Variants in FGD4 observed in about 807,000 individuals in gnomAD.
The protein encoded by FGD4 is FYVE, RhoGEF and PH domain-containing protein 4.
Under a neutral mutation model 102.0 loss-of-function variants are expected in FGD4, and 42 were observed. That is an observed-to-expected ratio of 0.41 (90% CI 0.32 to 0.53). The LOEUF (loss-of-function observed/expected upper bound fraction) is 0.53, where lower values mean the gene tolerates loss of function less well. Among genes scored for constraint, FGD4 ranks in the 20% least tolerant of loss-of-function variants. The probability of loss-of-function intolerance (pLI) is 0.21; values close to 1 mark genes in which losing one functional copy is unlikely to be tolerated. For synonymous variants in FGD4, 380 were observed against 375.7 expected, an observed-to-expected ratio of 1.01 and a Z score of -0.13; for missense variants, 902 against 1,078.2, an observed-to-expected ratio of 0.84 and a Z score of 2.29.
intron 3 of FGD4, among the ~76,000 whole-genome samples, chr12:32,576,830 G>A (rs1041080964): frequency 3.3e-5 from 5 of 151,950 alleles, no homozygotes; most frequent in African/African-American, 9.7e-5. Context: ...CTGTCTCTTC[G>A]TTTCTCACTT....
intron 1 of FGD4, among the ~76,000 whole-genome samples, chr12:32,552,466 G>T: frequency 8.1e-6 from 1 of 124,122 alleles, no homozygotes; most frequent in Non-Finnish European, 1.7e-5. Context: ...TTTTGTAGTA[G>T]AGACAATGTT....
chr12:32,415,068 C>T (rs1200684645), intron 1 of FGD4, among the ~76,000 whole-genome samples: 3 of 152,144 alleles, frequency 2.0e-5, no homozygotes, highest in Middle Eastern at 3.2e-3. Context: ...TATTATTTAA[C>T]TTCCATGCGT....
chr12:32,552,405 G>A (rs989401575), intron 1 of FGD4, among the ~76,000 whole-genome samples: 3 of 147,532 alleles, frequency 2.0e-5, no homozygotes, highest in South Asian at 4.4e-4. Flanking sequence ...GATTACAGGC[G>A]CCCGCCGCCA....
rs551664451 is a variant in FGD4, at chr12:32,619,678, T to A, written c.1750-20T>A. The A allele has an allele frequency of 1.2e-6, 2 of 1,613,764 alleles. No homozygotes were observed. The highest frequency in any genetic ancestry group is 2.2e-5 in the South Asian group (2 of 91,080). ...CCCCTATTTCTTTTCTTTACTGATATATGTTCTCGTTCCTTGCAGTTCAAC... is the reference window on the plus strand; with the variant it reads ...CCCCTATTTCTTTTCTTTACTGATAAATGTTCTCGTTCCTTGCAGTTCAAC... On this transcript the variant is annotated intron_variant, in intron 10 of 16. Coordinates refer to ENST00000534526, the MANE Select transcript of FGD4 (RefSeq NM_001370298.3).
At chr12:32,550,468 G>A (rs1307214404) in intron 1 of FGD4, among the ~76,000 whole-genome samples, 2 of 151,930 alleles carry the variant, frequency 1.3e-5, no homozygotes, top group African/African-American at 4.8e-5. Context: ...CCAAGAGTTC[G>A]AGACCAGCCT....
chr12:32,564,062 G>A, intron 1 of FGD4, 75 bp from the exon 2 acceptor site: 1 of 1,394,090 alleles, frequency 7.2e-7, no homozygotes, highest in Non-Finnish European at 9.5e-7. Flanking sequence ...AGTGGGAGAG[G>A]GGAAATTTAA....
intron 1 of FGD4, among the ~76,000 whole-genome samples, chr12:32,460,392 G>C (rs895002269): frequency 2.0e-4 from 30 of 151,886 alleles, no homozygotes; most frequent in African/African-American, 6.0e-4. Flanking sequence ...GTGCGTGCCC[G>C]TAGCACCAGC....
intron 1 of FGD4, among the ~76,000 whole-genome samples, chr12:32,488,209 G>GT (rs1943973039): frequency 6.7e-6 from 1 of 149,896 alleles, no homozygotes; most frequent in African/African-American, 2.4e-5. Flanking sequence ...AAAGCTTTTT[G>GT]TTTTTTAACA....
At chr12:32,615,700 C>T (rs112310789) in intron 10 of FGD4, among the ~76,000 whole-genome samples, 1,522 of 151,854 alleles carry the variant, frequency 0.01, 24 homozygotes, top group East Asian at 0.035. Flanking sequence ...GAAGCACCAG[C>T]GTCAGGAGGC....
chr12:32,400,170 G>A (rs1434989607), intron 1 of FGD4, among the ~76,000 whole-genome samples: 1 of 152,248 alleles, frequency 6.6e-6, no homozygotes, highest in Non-Finnish European at 1.5e-5. Context: ...CCCGCCTACC[G>A]CCGAGCTTGT....
chr12:32,443,715 A>T (rs1036119340), intron 1 of FGD4, among the ~76,000 whole-genome samples: 1 of 150,888 alleles, frequency 6.6e-6, no homozygotes, highest in African/African-American at 2.4e-5. Context: ...AGAAGCCCTA[A>T]TTTTTTTGTA....
chr12:32,641,817 T>A lies in FGD4; in HGVS notation c.*1284T>A, dbSNP rs2137104863. ...ATGTTTGGGGTGGGGGCTGGTCACA[T>A]GATTCCTTGTCATGAAGGCTGCTCT... is the stretch of plus-strand genomic sequence containing the variant. On this transcript the variant is annotated 3_prime_UTR_variant, in exon 17 of 17. Coordinates refer to ENST00000534526, the MANE Select transcript of FGD4 (RefSeq NM_001370298.3). 6.6e-6 allele frequency: 1 copy of A among 152,312 alleles called. No homozygotes were observed. Among genetic ancestry groups the A allele is most frequent in the East Asian group, 1.9e-4 (1 of 5,190 alleles). The allele number at this position is 152,312 out of a possible 1,614,324, so 9.4% of individuals were successfully genotyped here.
chr12:32,554,329 T>TTAAA (rs1462035395), intron 1 of FGD4, among the ~76,000 whole-genome samples: 1 of 152,194 alleles, frequency 6.6e-6, no homozygotes, highest in East Asian at 1.9e-4. Context: ...GATTTTAGAT[T>TTAAA]TAAATGGAAA....
chr12:32,408,224 A>C (rs1252767035), intron 1 of FGD4, among the ~76,000 whole-genome samples: 1 of 146,692 alleles, frequency 6.8e-6, no homozygotes, highest in Non-Finnish European at 1.5e-5. Context: ...GCTGTAGTGC[A>C]ATGGTGCAAT....
chr12:32,605,456 C>G (rs1592379478), intron 7 of FGD4, among the ~76,000 whole-genome samples: 1 of 152,112 alleles, frequency 6.6e-6, no homozygotes, highest in Non-Finnish European at 1.5e-5. Context: ...TTGCCTTCTA[C>G]ATTCTTCTTT....
chr12:32,457,244 AT>A (rs147528327), intron 1 of FGD4, among the ~76,000 whole-genome samples: 20 of 151,044 alleles, frequency 1.3e-4, no homozygotes, highest in African/African-American at 2.2e-4. Context: ...ATTGTTTATA[AT>A]TTTTTTTTTA....
intron 1 of FGD4, among the ~76,000 whole-genome samples, chr12:32,514,519 G>C (rs781560534): frequency 7.9e-5 from 12 of 151,880 alleles, no homozygotes; most frequent in Non-Finnish European, 1.2e-4. Context: ...GAAGCTTTTT[G>C]TTTTTGTTTT....
chr12:32,589,752 A>G (rs1947324960), intron 4 of FGD4, among the ~76,000 whole-genome samples: 1 of 152,174 alleles, frequency 6.6e-6, no homozygotes, highest in African/African-American at 2.4e-5. Context: ...GAAAGAACGT[A>G]ATTGAAACCT....
chr12:32,435,722 A>G (rs917317047), intron 1 of FGD4, among the ~76,000 whole-genome samples: 1 of 152,156 alleles, frequency 6.6e-6, no homozygotes, highest in Non-Finnish European at 1.5e-5. Flanking sequence ...TTTACATGGT[A>G]TTTCTGGCAG....
Sources: gnomAD v4.1 joint callset for allele counts (sites outside exome capture counted in the v4.1 genomes callset) on GRCh38, gnomAD v4.1.1 for gene constraint, MANE v1.5 for transcripts, NCBI Gene and HGNC (gene_info 2026-07-23, HGNC 2026-07-21) for gene names.